The following ADAMTS3 variants were observed in gnomAD, a reference collection of about 807,000 sequenced individuals.
ADAMTS3 encodes the protein ADAM metallopeptidase with thrombospondin type 1 motif 3.
ADAMTS3 carries 73 observed loss-of-function variants against 129.0 expected under a neutral mutation model. That is an observed-to-expected ratio of 0.57 (90% CI 0.47 to 0.69). The LOEUF is 0.69. Among genes scored for constraint, ADAMTS3 ranks in the 30% least tolerant of loss-of-function variants. ADAMTS3 has a pLI of 0.00. For missense variants in ADAMTS3, 1,457 were observed against 1,514.5 expected (o/e 0.96, Z 0.63); for synonymous variants, 477 against 510.8 (o/e 0.93, Z 0.89).
At chr4:72,485,074 T>G (rs1719543219) in intron 3 of ADAMTS3, among the ~76,000 whole-genome samples, 1 of 152,160 alleles carries the variant, frequency 6.6e-6, no homozygotes, top group Non-Finnish European at 1.5e-5. Context: ...ATGCAGCATA[T>G]TATACTTCTG....
chr4:72,439,950 T>A (rs1257476698), intron 3 of ADAMTS3, among the ~76,000 whole-genome samples: 1 of 151,830 alleles, frequency 6.6e-6, no homozygotes, highest in Non-Finnish European at 1.5e-5. Flanking sequence ...TTCACTGAGA[T>A]GGTTACTTAT....
chr4:72,287,091 G>A (rs1351094468), intron 21 of ADAMTS3, among the ~76,000 whole-genome samples: 2 of 151,858 alleles, frequency 1.3e-5, no homozygotes, highest in Non-Finnish European at 2.9e-5. Context: ...AGGGTGGAGC[G>A]CTTATGAATG....
chr4:72,537,566 G>C (rs765226024), intron 3 of ADAMTS3, among the ~76,000 whole-genome samples: 4 of 152,064 alleles, frequency 2.6e-5, no homozygotes, highest in Non-Finnish European at 4.4e-5. Flanking sequence ...TTACAGTTCA[G>C]CCTAATCTTC....
chr4:72,394,606 A>C (rs1006739485), intron 4 of ADAMTS3, among the ~76,000 whole-genome samples: 1 of 152,068 alleles, frequency 6.6e-6, no homozygotes, highest in African/African-American at 2.4e-5. Flanking sequence ...TACATTTCCT[A>C]CCCTTTCAAA....
chr4:72,540,535 G>T (rs1721293736), intron 3 of ADAMTS3, among the ~76,000 whole-genome samples: 1 of 152,202 alleles, frequency 6.6e-6, no homozygotes, highest in African/African-American at 2.4e-5. Flanking sequence ...TAATCCCCAA[G>T]ACTATGGGGA....
At chr4:72,371,657 T>A (rs560890616) in intron 4 of ADAMTS3, among the ~76,000 whole-genome samples, 57 of 152,084 alleles carry the variant, frequency 3.7e-4, no homozygotes, top group African/African-American at 1.3e-3. Context: ...TTATCAGAAC[T>A]AAAATTAAAC....
intron 3 of ADAMTS3, among the ~76,000 whole-genome samples, chr4:72,479,146 A>C (rs185483410): frequency 9.2e-4 from 140 of 152,128 alleles, no homozygotes; most frequent in African/African-American, 2.4e-3. Context: ...TCAATGCCAT[A>C]CCCATCAAGC....
intron 3 of ADAMTS3, among the ~76,000 whole-genome samples, chr4:72,500,933 CTTTA>C (rs1379503296): frequency 1.3e-5 from 2 of 151,906 alleles, no homozygotes; most frequent in African/African-American, 4.8e-5. Context: ...AGGCATGTGG[CTTTA>C]TTTCTGAGTT....
At chr4:72,407,053 C>A (rs1440077369) in intron 4 of ADAMTS3, among the ~76,000 whole-genome samples, 3 of 152,012 alleles carry the variant, frequency 2.0e-5, no homozygotes, top group African/African-American at 7.3e-5. Context: ...TTAAAGGAGA[C>A]AAAAACAACA....
intron 4 of ADAMTS3, among the ~76,000 whole-genome samples, chr4:72,346,046 T>A (rs1227574711): frequency 1.3e-5 from 2 of 152,130 alleles, no homozygotes; most frequent in African/African-American, 4.8e-5. Context: ...TCAGTTCTTT[T>A]CATCTTTCCA....
At chr4:72,371,945 T>C (rs1039430397) in intron 4 of ADAMTS3, among the ~76,000 whole-genome samples, 9 of 151,096 alleles carry the variant, frequency 6.0e-5, no homozygotes, top group African/African-American at 2.2e-4. Flanking sequence ...CCCAACATGA[T>C]GGAATTAACA....
intron 3 of ADAMTS3, among the ~76,000 whole-genome samples, chr4:72,533,673 A>ATATGTATATAGACATATATATG (rs1164175826): frequency 6.6e-6 from 1 of 151,372 alleles, no homozygotes; most frequent in Non-Finnish European, 1.5e-5. Flanking sequence ...GTATATGCAC[A>ATATGTATATAGACATATATATG]TATATGCACA....
At chr4:72,418,112 C>T (rs6853390) in intron 3 of ADAMTS3, among the ~76,000 whole-genome samples, 93,556 of 151,290 alleles carry the variant, frequency 0.62, 29,698 homozygotes, top group South Asian at 0.79. Context: ...ATTGACAGGG[C>T]AGTTGATAGT....
chr4:72,455,998 T>A (rs866943808), intron 3 of ADAMTS3, among the ~76,000 whole-genome samples: 1 of 23,408 alleles, frequency 4.3e-5, no homozygotes, highest in Non-Finnish European at 8.8e-5. Context: ...CTATATATAT[T>A]TTACATATAG....
At chr4:72,454,081 A>G (rs546759205) in intron 3 of ADAMTS3, among the ~76,000 whole-genome samples, 1 of 151,504 alleles carries the variant, frequency 6.6e-6, no homozygotes, top group South Asian at 2.1e-4. Flanking sequence ...ATGCTCATTC[A>G]CAAAGATTAG....
chr4:72,505,417 G>A (rs144454441), intron 3 of ADAMTS3, among the ~76,000 whole-genome samples: 36 of 152,216 alleles, frequency 2.4e-4, no homozygotes, highest in Non-Finnish European at 4.1e-4. Flanking sequence ...AGTAGATGGC[G>A]CTTATGGGTA....
intron 3 of ADAMTS3, among the ~76,000 whole-genome samples, chr4:72,500,067 A>T (rs768934345): frequency 1.3e-5 from 2 of 152,176 alleles, no homozygotes; most frequent in Admixed American, 1.3e-4. Context: ...TGTTATTGTG[A>T]ACAGTGCTGT....
intron 2 of ADAMTS3, among the ~76,000 whole-genome samples, chr4:72,553,295 A>G (rs1332436172): frequency 6.6e-6 from 1 of 152,202 alleles, no homozygotes; most frequent in Non-Finnish European, 1.5e-5. Flanking sequence ...TACCAAAAAC[A>G]AGAAATGGAT....
At chr4:72,304,226 T>C (rs1413151055) in intron 16 of ADAMTS3, 146 bp from the exon 17 acceptor site, 2 of 785,058 alleles carry the variant, frequency 2.5e-6, no homozygotes. Flanking sequence ...TTAGTTCTGA[T>C]ATTATTTCCA....
Sources: allele counts gnomAD v4.1 joint callset (sites outside exome capture counted in the v4.1 genomes callset), GRCh38; gene constraint gnomAD v4.1.1; transcripts MANE v1.5; gene names NCBI Gene and HGNC (gene_info 2026-07-23, HGNC 2026-07-21).